Variants in PABIR3 observed in about 807,000 individuals in gnomAD.
The protein encoded by PABIR3 is PABIR family member 3.
A neutral mutation model predicts 23.1 loss-of-function variants in PABIR3; 20 were observed. The observed-to-expected ratio is 0.86, with a 90% CI of 0.61 to 1.26. PABIR3 has a LOEUF of 1.26. PABIR3 is among the 50% of genes most tolerant of loss of function. The pLI, the probability that PABIR3 is intolerant of heterozygous loss-of-function variation, is 0.00. For synonymous variants in PABIR3, 69 were observed against 68.5 expected (o/e 1.01, Z -0.04); for missense variants, 189 against 195.4 (o/e 0.97, Z 0.20).
At chrX:134,842,193 G>T (rs7890155) in intron 4 of PABIR3, among the ~76,000 whole-genome samples, 15,343 of 111,625 alleles carry the variant, frequency 0.14, 1,547 homozygotes, top group African/African-American at 0.36. Context: ...GTCACTGTGT[G>T]GTAGGAGTTC....
chrX:134,851,369 C>G (rs766600857), intron 9 of PABIR3, among the ~76,000 whole-genome samples: 20 of 110,203 alleles, frequency 1.8e-4, no homozygotes, highest in African/African-American at 6.6e-4. Context: ...AACCCTGTCT[C>G]TACTAAAAAT....
the PABIR3 span, among the ~76,000 whole-genome samples, chrX:134,862,208 T>TG: frequency 7.5e-5 from 7 of 93,827 alleles, no homozygotes; most frequent in Non-Finnish European, 1.2e-4. Context: ...TGTAGTGCAA[T>TG]GGCATGATCT....
chrX:134,843,983 A>G (rs1277494231), intron 4 of PABIR3: 2 of 89,532 alleles, frequency 2.2e-5, no homozygotes, highest in African/African-American at 9.2e-5. Context: ...GGAGTACAGT[A>G]GTGCAATTTC....
chrX:134,809,995 T>C, intron 2 of PABIR3: 1 of 754,822 alleles, frequency 1.3e-6, no homozygotes, highest in South Asian at 6.7e-5. Flanking sequence ...AAGAACATTT[T>C]ATTCACTCAG....
chrX:134,849,148 C>A lies in PABIR3; in HGVS notation c.528-19C>A, dbSNP rs1038117604. The stretch of plus-strand genomic sequence containing the variant: ...GTTAAAAAAAATTTCTTATAATGAT[C>A]ATGATGATTTTATTTTAGAAGAAGT... On this transcript the variant is annotated intron_variant, in intron 8 of 10. Coordinates refer to ENST00000645433, the MANE Select transcript of PABIR3 (RefSeq NM_001388447.1). The A allele has an allele frequency of 1.1e-4, 95 of 896,486 alleles. 1 individual carries two copies. Among genetic ancestry groups the A allele is most frequent in the Non-Finnish European group, 1.3e-4 (94 of 697,229 alleles). 73.9% of individuals were successfully genotyped at this position (896,486 alleles called of 1,213,427 possible). A position where few individuals can be genotyped will look rare whatever the true frequency, so the allele number is the denominator to read the frequency against.
At chrX:134,840,114 T>C (rs1366041428) in intron 4 of PABIR3, among the ~76,000 whole-genome samples, 1 of 111,621 alleles carries the variant, frequency 9.0e-6, no homozygotes, top group Non-Finnish European at 1.9e-5. Flanking sequence ...TTAAATGGAT[T>C]AAGGGCGGTG....
intron 3 of PABIR3, among the ~76,000 whole-genome samples, chrX:134,816,364 C>T (rs2080977275): frequency 9.0e-6 from 1 of 111,424 alleles, no homozygotes; most frequent in Middle Eastern, 4.7e-3. Context: ...TCTTTTTGCC[C>T]AGCTGGAGTG....
intron 6 of PABIR3, among the ~76,000 whole-genome samples, chrX:134,846,597 A>G (rs2082444999): frequency 8.9e-6 from 1 of 111,823 alleles, no homozygotes. Flanking sequence ...ATTATTTGAT[A>G]TGGAAATGGA....
intron 7 of PABIR3, 60 bp downstream of exon 7, chrX:134,847,535 C>T: frequency 2.4e-6 from 2 of 822,910 alleles, no homozygotes; most frequent in South Asian, 4.7e-5. Context: ...TATTTAGGAA[C>T]ATTAATGGTC....
At chrX:134,804,242 G>A (rs1290604915), upstream of PABIR3, 2 of 1,145,646 alleles carry the variant, frequency 1.7e-6, no homozygotes, top group Admixed American at 2.6e-5. Flanking sequence ...AAGAAACACA[G>A]CTAGGTTGGT....
chrX:134,818,916 A>G (rs2081117833), intron 3 of PABIR3, among the ~76,000 whole-genome samples: 1 of 107,519 alleles, frequency 9.3e-6, no homozygotes, highest in Non-Finnish European at 1.9e-5. Context: ...CCAAATACTT[A>G]AAGGATATTT....
intron 4 of PABIR3, chrX:134,838,586 A>G (rs2082050241): frequency 9.7e-6 from 1 of 103,525 alleles, no homozygotes; most frequent in Non-Finnish European, 2.0e-5. Flanking sequence ...TACAGGCACA[A>G]GCCACTGTGC....
At chrX:134,848,032 A>G (rs2082492936) in intron 8 of PABIR3, 61 bp downstream of exon 8, 1 of 940,305 alleles carries the variant, frequency 1.1e-6, no homozygotes, top group Non-Finnish European at 1.5e-6. Flanking sequence ...TAGAAACCTA[A>G]AAGAAATTAT....
chrX:134,856,122 T>A (rs1252356025), downstream of PABIR3, among the ~76,000 whole-genome samples: 3 of 112,124 alleles, frequency 2.7e-5, no homozygotes, highest in Non-Finnish European at 3.8e-5. Context: ...TCAGCAAATC[T>A]TGGTAATCTT....
chrX:134,860,023 G>A, the PABIR3 span, among the ~76,000 whole-genome samples: 2,009 of 111,628 alleles, frequency 0.018, 47 homozygotes, highest in African/African-American at 0.061. Flanking sequence ...TAAGAGTGGG[G>A]TCTTTGGAAA....
chrX:134,807,346 G>C lies in PABIR3; in HGVS notation c.-60+5G>C. On this transcript the variant is annotated splice_donor_5th_base_variant and intron_variant, in intron 1 of 10. Transcript: ENST00000645433. ...AGTTACATTATAGACTTGGAGGTGG[G>C]GGATCTTCTCATCGTTAGAGGCCCC... 1.0e-6 allele frequency: 1 copy of C among 957,570 alleles called. No homozygotes were observed. Among genetic ancestry groups the C allele is most frequent in the South Asian group, 5.0e-5 (1 of 19,823 alleles). 78.9% of individuals were successfully genotyped at this position (957,570 alleles called of 1,213,427 possible).
At chrX:134,846,835 AGT>A (rs1403479314) in intron 6 of PABIR3, among the ~76,000 whole-genome samples, 1 of 111,972 alleles carries the variant, frequency 8.9e-6, no homozygotes, top group East Asian at 2.8e-4. Context: ...GAGAATCGTA[AGT>A]GTGTTAGGAA....
At chrX:134,838,797 G>A (rs1245411134) in intron 4 of PABIR3, 1 of 104,315 alleles carries the variant, frequency 9.6e-6, no homozygotes. Context: ...CTCCCTGCCT[G>A]ATTCTCCTGC....
intron 3 of PABIR3, among the ~76,000 whole-genome samples, chrX:134,817,368 T>C (rs1305183259): frequency 9.2e-6 from 1 of 108,459 alleles, no homozygotes; most frequent in Non-Finnish European, 1.9e-5. Context: ...ACGATATTTG[T>C]TGAGCACCTG....
Sources: allele counts gnomAD v4.1 joint callset (sites outside exome capture counted in the v4.1 genomes callset), GRCh38; gene constraint gnomAD v4.1.1; transcripts MANE v1.5; gene names NCBI Gene and HGNC (gene_info 2026-07-23, HGNC 2026-07-21).